Variants in TNS3 observed in about 807,000 individuals in gnomAD.
TNS3 encodes tensin 3.
A neutral mutation model predicts 140.9 loss-of-function variants in TNS3; 45 were observed. The ratio of observed to expected loss-of-function variants is 0.32; its 90% CI spans 0.25 to 0.41. The LOEUF (loss-of-function observed/expected upper bound fraction) is 0.41. Ranked by LOEUF, TNS3 falls within the 10% of genes least tolerant of loss-of-function variation. The pLI is 1.00. For synonymous variants in TNS3, 815 were observed against 788.4 expected, an observed-to-expected ratio of 1.03 and a Z score of -0.56; for missense variants, 1,716 against 1,906.7, an observed-to-expected ratio of 0.90 and a Z score of 1.86.
Position 47,496,464 on chromosome 7 carries a change from G to C in TNS3, c.-115+10443C>G, listed in dbSNP as rs114143305. 5.2e-3 allele frequency among the ~76,000 whole-genome samples: 791 copies of C among 152,316 alleles called. 5 individuals are homozygous for C. Among genetic ancestry groups the C allele is most frequent in the African/African-American group, 0.017 (715 of 41,564 alleles). ...TGATTAATGTCAGGCTGGTAGCTTG[G>C]AAGCAGGCGGGGGGAGGTGAGGTAT... On this transcript the variant is annotated intron_variant, in intron 3 of 30. Coordinates refer to ENST00000311160, the MANE Select transcript of TNS3 (RefSeq NM_022748.12).
chr7:47,434,149 C>T (rs951285462), intron 8 of TNS3, among the ~76,000 whole-genome samples: 2 of 152,242 alleles, frequency 1.3e-5, no homozygotes, highest in East Asian at 3.9e-4. Flanking sequence ...TCATCATATG[C>T]CTTACAGCTG....
chr7:47,566,250 G>A, intron 1 of TNS3, among the ~76,000 whole-genome samples: 1 of 152,166 alleles, frequency 6.6e-6, no homozygotes, highest in East Asian at 1.9e-4. Flanking sequence ...AGCCACCCAA[G>A]CAGCTGCCCG....
intron 20 of TNS3, among the ~76,000 whole-genome samples, chr7:47,314,671 G>A (rs922783207): frequency 2.6e-5 from 4 of 152,214 alleles, no homozygotes; most frequent in African/African-American, 7.2e-5. Flanking sequence ...AATGAGGACA[G>A]GACGTGGGCT....
rs962763711 is a variant in TNS3 at position 47,309,398 on chromosome 7, CA to C, written c.2651-4396del. 9.9e-3 allele frequency among the ~76,000 whole-genome samples: 1,444 copies of C among 145,200 alleles called. 18 individuals are homozygous for C. The highest frequency in any genetic ancestry group is 0.032 in the African/African-American group (1,254 of 39,792). ...TAAGAGTATTTAAAATGAAAAAGAG[CA>C]AAAAAAAAATATGCTATGAGAGTAT... On this transcript the variant is annotated intron_variant, in intron 20 of 30. Transcript: ENST00000311160.
At position 47,528,740 on chromosome 7, in the gene TNS3, C is replaced by G. The variant is rs567553147; in HGVS notation, c.-153+296G>C. Among the ~76,000 whole-genome samples the G allele has an allele frequency of 1.1e-4, 17 of 152,284 alleles. No homozygotes were observed. The East Asian group carries it at 3.3e-3, about 29-fold the overall frequency. On this transcript the variant is annotated intron_variant, in intron 2 of 30. Transcript: ENST00000311160. The stretch of plus-strand genomic sequence containing the variant: ...AGATCTGAAAGTCAAACTAAACAAC[C>G]TGAGTTACTGACACTTCAGAGCAGA...
At chr7:47,506,836 C>G in intron 3 of TNS3, 71 bp downstream of exon 3, 1 of 1,185,040 alleles carries the variant, frequency 8.4e-7, no homozygotes, top group Non-Finnish European at 1.1e-6. Context: ...AAGAGGCCCC[C>G]CCACACATAT....
intron 15 of TNS3, among the ~76,000 whole-genome samples, chr7:47,398,567 A>C (rs1304603449): frequency 6.6e-6 from 1 of 152,246 alleles, no homozygotes; most frequent in Non-Finnish European, 1.5e-5. Context: ...AATTAAAAAC[A>C]AAAACCATAT....
chr7:47,359,930 C>G (rs1232336670), intron 17 of TNS3, among the ~76,000 whole-genome samples: 1 of 152,130 alleles, frequency 6.6e-6, no homozygotes, highest in Non-Finnish European at 1.5e-5. Context: ...CCAGAAGGCC[C>G]AGATAGCACC....
chr7:47,341,571 G>A (rs981361243), intron 20 of TNS3, among the ~76,000 whole-genome samples: 3 of 152,126 alleles, frequency 2.0e-5, no homozygotes, highest in African/African-American at 7.2e-5. Context: ...GGTCTTTAGT[G>A]ATGGTGCCTG....
chr7:47,305,163 G>A (rs1452218220), intron 20 of TNS3, among the ~76,000 whole-genome samples, 160 bp from the exon 21 acceptor site: 1 of 152,204 alleles, frequency 6.6e-6, no homozygotes, highest in Non-Finnish European at 1.5e-5. Flanking sequence ...GTAATAGGCT[G>A]GAGGAGGCGG....
rs566353395 is a variant in TNS3 at position 47,448,016 on chromosome 7, G to A, written c.-75-5961C>T. On this transcript the variant is annotated intron_variant, in intron 4 of 30. Transcript: ENST00000311160. ...AAGGCAGAGAAGACAGCAGGAGGCT[G>A]GGGGCCCTGGCAGAAGGAGGGGAGG... is the stretch of plus-strand genomic sequence containing the variant. 2.7e-3 allele frequency among the ~76,000 whole-genome samples: 404 copies of A among 152,286 alleles called. 1 individual carries two copies. Among genetic ancestry groups the A allele is most frequent in the Non-Finnish European group, 2.3e-3 (158 of 68,010 alleles).
intron 2 of TNS3, among the ~76,000 whole-genome samples, chr7:47,508,671 T>C (rs1050962619): frequency 1.9e-4 from 29 of 152,304 alleles, no homozygotes; most frequent in African/African-American, 4.6e-4. Context: ...TGCTGGTGTA[T>C]AGCCCCCTCC....
chr7:47,329,972 T>A (rs1195648313), intron 20 of TNS3, among the ~76,000 whole-genome samples: 2 of 152,186 alleles, frequency 1.3e-5, no homozygotes, highest in African/African-American at 4.8e-5. Context: ...GATTTAAGCA[T>A]CTTCTGGAGA....
chr7:47,578,031 C>T (rs920550469), intron 1 of TNS3, among the ~76,000 whole-genome samples: 1 of 151,034 alleles, frequency 6.6e-6, no homozygotes, highest in African/African-American at 2.4e-5. Flanking sequence ...AAAAAAAAAT[C>T]GGCCGGGCAC....
At chr7:47,386,587 G>T (rs113029464) in intron 16 of TNS3, among the ~76,000 whole-genome samples, 3 of 152,160 alleles carry the variant, frequency 2.0e-5, no homozygotes, top group Non-Finnish European at 4.4e-5. Context: ...AGGTCTCCCC[G>T]ACAGACAGCC....
intron 10 of TNS3, among the ~76,000 whole-genome samples, chr7:47,416,742 C>A (rs914422079): frequency 2.0e-5 from 3 of 152,148 alleles, no homozygotes; most frequent in Non-Finnish European, 4.4e-5. Context: ...CTCAGTTGTA[C>A]GTAGGCAGAG....
intron 6 of TNS3, among the ~76,000 whole-genome samples, chr7:47,438,859 A>G (rs1795320602): frequency 6.6e-6 from 1 of 152,184 alleles, no homozygotes; most frequent in East Asian, 1.9e-4. Context: ...AGAGGGTGCC[A>G]GGGAGCTGTC....
intron 1 of TNS3, among the ~76,000 whole-genome samples, chr7:47,572,287 C>A (rs1450546955): frequency 6.6e-6 from 1 of 152,212 alleles, no homozygotes; most frequent in Non-Finnish European, 1.5e-5. Flanking sequence ...AGACCGGCAA[C>A]GGCAACGCCT....
intron 1 of TNS3, among the ~76,000 whole-genome samples, chr7:47,552,061 G>A (rs1163861962): frequency 6.7e-6 from 1 of 148,652 alleles, no homozygotes; most frequent in East Asian, 1.9e-4. Flanking sequence ...ATATTTATCT[G>A]CATAAACCTC....
Sources: gnomAD v4.1 joint callset for allele counts (sites outside exome capture counted in the v4.1 genomes callset) on GRCh38, gnomAD v4.1.1 for gene constraint, MANE v1.5 for transcripts, NCBI Gene and HGNC (gene_info 2026-07-23, HGNC 2026-07-21) for gene names.